The following TBC1D5 variants were observed in gnomAD, a reference collection of about 807,000 sequenced individuals.
TBC1D5 encodes the protein TBC1 domain family member 5.
A neutral mutation model predicts 100.3 loss-of-function variants in TBC1D5; 75 were observed. The observed-to-expected ratio is 0.75, with a 90% CI of 0.62 to 0.91. The LOEUF is 0.91. Ranked by LOEUF, TBC1D5 falls within the 40% of genes least tolerant of loss-of-function variation. The probability of loss-of-function intolerance (pLI) is 0.00; values close to 1 mark genes in which losing one functional copy is unlikely to be tolerated. For missense variants in TBC1D5, 910 were observed against 942.4 expected, an observed-to-expected ratio of 0.97 and a Z score of 0.45; for synonymous variants, 323 against 325.6, an observed-to-expected ratio of 0.99 and a Z score of 0.09.
intron 18 of TBC1D5, among the ~76,000 whole-genome samples, chr3:17,195,461 G>A (rs1173544931): frequency 6.6e-6 from 1 of 152,204 alleles, no homozygotes; most frequent in African/African-American, 2.4e-5. Context: ...GCTCTCCCTT[G>A]CTGTTCCTGG....
At chr3:17,217,453 GT>G (rs1168837201) in intron 17 of TBC1D5, among the ~76,000 whole-genome samples, 1 of 152,082 alleles carries the variant, frequency 6.6e-6, no homozygotes, top group Non-Finnish European at 1.5e-5. Flanking sequence ...GAAACTGCCA[GT>G]TTTCAAAAGT....
At chr3:17,720,262 G>A (rs1451979840) in intron 1 of TBC1D5, among the ~76,000 whole-genome samples, 2 of 152,026 alleles carry the variant, frequency 1.3e-5, no homozygotes, top group Non-Finnish European at 2.9e-5. Context: ...AAACTGAAAA[G>A]CTACAAATGT....
At chr3:17,508,958 T>C (rs1178313440) in intron 2 of TBC1D5, among the ~76,000 whole-genome samples, 1 of 152,138 alleles carries the variant, frequency 6.6e-6, no homozygotes, top group Non-Finnish European at 1.5e-5. Context: ...CAATAGAACT[T>C]TCAAAATACA....
chr3:17,444,921 T>C (rs1357407826), intron 3 of TBC1D5, among the ~76,000 whole-genome samples: 2 of 152,154 alleles, frequency 1.3e-5, no homozygotes, highest in Non-Finnish European at 2.9e-5. Flanking sequence ...AGTAAGTAAA[T>C]GTATTCCTAC....
chr3:17,702,281 T>C lies in TBC1D5; in HGVS notation c.-101+37062A>G, dbSNP rs147690257. ...GCTAAGACTTCCAGAAGAAATCAAA[T>C]GTAAATTCAAACTTACTTAGTAAAA... On this transcript the variant is annotated intron_variant, in intron 1 of 21. Coordinates refer to ENST00000253692, the Ensembl canonical transcript of TBC1D5. 81 of 152,248 alleles carry C rather than the reference T, an allele frequency of 5.3e-4. No homozygotes were observed. In the East Asian group the frequency reaches 0.014, roughly 26 times the overall value. 9.4% of individuals were successfully genotyped at this position (152,248 alleles called of 1,614,324 possible). A position where few individuals can be genotyped will look rare whatever the true frequency, so the allele number is the denominator to read the frequency against.
In TBC1D5 at chr3:17,588,116, T is replaced by C. The variant is rs183867455; in HGVS notation, c.-36+35733A>G. 1.3e-3 allele frequency among the ~76,000 whole-genome samples: 198 copies of C among 152,194 alleles called. 1 individual carries two copies. The highest frequency in any genetic ancestry group is 4.4e-3 in the African/African-American group (183 of 41,574). On this transcript the variant is annotated intron_variant, in intron 2 of 21. Transcript: ENST00000253692. ...GTAATGTGTTTTATTTCTAAATACA[T>C]ACTTTAGACCAATTTTTAATTTTAG... is the stretch of plus-strand genomic sequence containing the variant.
intron 8 of TBC1D5, among the ~76,000 whole-genome samples, chr3:17,384,332 T>TC (rs1444882917): frequency 6.6e-6 from 1 of 152,064 alleles, no homozygotes; most frequent in African/African-American, 2.4e-5. Context: ...TTGCTTTGTT[T>TC]TAGCCCACTG....
At chr3:17,650,500 T>C (rs1352027268) in intron 1 of TBC1D5, among the ~76,000 whole-genome samples, 1 of 152,172 alleles carries the variant, frequency 6.6e-6, no homozygotes, top group Non-Finnish European at 1.5e-5. Flanking sequence ...AGTAATAATT[T>C]CAAATGGGTA....
chr3:17,591,762 G>C (rs1490244604), intron 2 of TBC1D5, among the ~76,000 whole-genome samples: 1 of 152,076 alleles, frequency 6.6e-6, no homozygotes, highest in Non-Finnish European at 1.5e-5. Context: ...TATTATGGTG[G>C]GAAAGGCCAA....
intron 1 of TBC1D5, among the ~76,000 whole-genome samples, chr3:17,659,330 G>A (rs1326771174): frequency 2.6e-5 from 4 of 152,056 alleles, no homozygotes; most frequent in Admixed American, 2.6e-4. Flanking sequence ...ACAGGGATTA[G>A]GGAGTCCAAA....
At chr3:17,511,003 TA>T (rs1274123171) in intron 2 of TBC1D5, among the ~76,000 whole-genome samples, 1 of 151,904 alleles carries the variant, frequency 6.6e-6, no homozygotes, top group Non-Finnish European at 1.5e-5. Flanking sequence ...TGGCTCTAAA[TA>T]AGTCAGTGCG....
At chr3:17,214,905 G>A (rs760219220) in intron 17 of TBC1D5, among the ~76,000 whole-genome samples, 7 of 152,106 alleles carry the variant, frequency 4.6e-5, no homozygotes, top group Non-Finnish European at 1.0e-4. Context: ...CCGCTTTGCA[G>A]CAAATATGCA....
chr3:17,733,494 G>C (rs528255402), intron 1 of TBC1D5, among the ~76,000 whole-genome samples: 23 of 152,264 alleles, frequency 1.5e-4, no homozygotes, highest in Admixed American at 2.6e-4. Flanking sequence ...AATCACTTGG[G>C]GGGGGTGGAG....
chr3:17,629,451 T>C (rs754791703), intron 1 of TBC1D5, among the ~76,000 whole-genome samples: 3 of 152,216 alleles, frequency 2.0e-5, no homozygotes, highest in Non-Finnish European at 2.9e-5. Flanking sequence ...AATTCTTTAG[T>C]ATAAAATAAA....
At chr3:17,212,445 G>T (rs2073095174) in intron 18 of TBC1D5, among the ~76,000 whole-genome samples, 1 of 152,106 alleles carries the variant, frequency 6.6e-6, no homozygotes, top group Non-Finnish European at 1.5e-5. Flanking sequence ...ACTGGTTTAT[G>T]TATTTACTAC....
chr3:17,501,679 A>G (rs888061924), intron 3 of TBC1D5, among the ~76,000 whole-genome samples: 5 of 149,272 alleles, frequency 3.3e-5, no homozygotes, highest in African/African-American at 1.3e-4. Flanking sequence ...CCATCAATGA[A>G]TTCTTCAACC....
At chr3:17,336,096 T>C (rs150227113) in intron 13 of TBC1D5, among the ~76,000 whole-genome samples, 1 of 152,252 alleles carries the variant, frequency 6.6e-6, no homozygotes, top group African/African-American at 2.4e-5. Context: ...TAGTATATTA[T>C]TATTAAAACA....
In TBC1D5 at chr3:17,332,678, T is replaced by C. The variant is rs957968617; in HGVS notation, c.996-24544A>G. On this transcript the variant is annotated intron_variant, in intron 13 of 21. Coordinates refer to ENST00000253692, the Ensembl canonical transcript of TBC1D5. ...CAGCCAGTGGAAGTAGGGGGAAAAT[T>C]AGAAGGGGGGTAATTCAGGAAATGA... 1.1e-3 allele frequency among the ~76,000 whole-genome samples: 167 copies of C among 150,838 alleles called. 1 individual carries two copies. The highest frequency in any genetic ancestry group is 3.9e-3 in the African/African-American group (162 of 41,026).
chr3:17,374,551 A>C lies in TBC1D5; in HGVS notation c.753-11T>G. On this transcript the variant is annotated splice_polypyrimidine_tract_variant and intron_variant, in intron 11 of 21. Coordinates refer to ENST00000253692, the Ensembl canonical transcript of TBC1D5. ...TGTGAGAACACTGCACTAAAAATAA[A>C]ATAACACAATGCTATGTAACTTTCA... 6 of 1,611,048 alleles carry C rather than the reference A, an allele frequency of 3.7e-6. No homozygotes were observed. Among genetic ancestry groups the C allele is most frequent in the Non-Finnish European group, 5.1e-6 (6 of 1,178,670 alleles).
Sources: allele counts gnomAD v4.1 joint callset (sites outside exome capture counted in the v4.1 genomes callset), GRCh38; gene constraint gnomAD v4.1.1; transcripts MANE v1.5; gene names NCBI Gene and HGNC (gene_info 2026-07-23, HGNC 2026-07-21).